Variants in KIF18A observed in about 807,000 individuals in gnomAD.
KIF18A encodes the protein kinesin-like protein KIF18A.
In KIF18A, 67 loss-of-function variants were observed where a neutral mutation model predicts 103.3. The observed-to-expected ratio is 0.65, with a 90% CI of 0.53 to 0.79. KIF18A has a LOEUF of 0.79. Ranked by LOEUF, KIF18A falls within the 30% of genes least tolerant of loss-of-function variation. The probability of loss-of-function intolerance (pLI) is 0.00; values close to 1 mark genes in which losing one functional copy is unlikely to be tolerated. For missense variants in KIF18A, 1,032 were observed against 1,062.5 expected (o/e 0.97, Z 0.40); for synonymous variants, 367 against 355.5 (o/e 1.03, Z -0.36).
rs188604851 is a variant in KIF18A at position 28,078,139 on chromosome 11, C to T, written c.1263-970G>A. ...TTTAAAAAAAATGTTCTAAACTGGC[C>T]AGAATTTTAGATATACTCATAAGGA... On this transcript the variant is annotated intron_variant, in intron 9 of 16. Coordinates refer to ENST00000263181, the MANE Select transcript of KIF18A (RefSeq NM_031217.4). Among the ~76,000 whole-genome samples the T allele has an allele frequency of 6.7e-4, 102 of 151,906 alleles. 1 individual carries two copies. Among genetic ancestry groups the T allele is most frequent in the Non-Finnish European group, 7.4e-5 (5 of 67,946 alleles).
intron 12 of KIF18A, among the ~76,000 whole-genome samples, chr11:28,062,094 G>C (rs1450996253): frequency 6.6e-6 from 1 of 152,096 alleles, no homozygotes; most frequent in East Asian, 1.9e-4. Flanking sequence ...ATGGCTAGAA[G>C]ATAGAGGTAG....
At chr11:28,057,038 A>C in intron 13 of KIF18A, 1 of 194,272 alleles carries the variant, frequency 5.1e-6, no homozygotes, top group Non-Finnish European at 1.1e-5. Flanking sequence ...CATATATATA[A>C]AAAAAAGCAG....
intron 2 of KIF18A, among the ~76,000 whole-genome samples, chr11:28,096,588 A>C (rs530651592): frequency 6.6e-6 from 1 of 152,342 alleles, no homozygotes; most frequent in South Asian, 2.1e-4. Context: ...CTCTAGAGAC[A>C]TATGAAGTTT....
rs1850868361 is a variant in KIF18A, at chr11:28,062,480, G to A, written c.1627C>T (p.Leu543Phe). Residue 543 changes from leucine (L) to phenylalanine (F), a missense_variant, in exon 12 of 17, where the codon CTC (leucine) becomes TTC (phenylalanine). Physicochemically the swap from Leu to Phe is conservative, Grantham distance 22 (BLOSUM62 0). Transcript: ENST00000263181. Reference protein sequence around the residue: ...KKDLHCHHLHLQNKDLKAQIR... With the variant: ...KKDLHCHHLHFQNKDLKAQIR... ...TGTGCTTTCAAATCTTTGTTCTGGAGGTGCAAATGGTGACAATGAAGATCT... is the reference window on the plus strand; with the variant it reads ...TGTGCTTTCAAATCTTTGTTCTGGAAGTGCAAATGGTGACAATGAAGATCT... 12 of 1,611,308 alleles carry A rather than the reference G, an allele frequency of 7.4e-6. No individual in the cohort carries two copies. The highest frequency in any genetic ancestry group is 1.3e-5 in the African/African-American group (1 of 74,890).
Position 28,082,857 on chromosome 11 carries a change from T to G in KIF18A, c.1261A>C (p.Arg421=), listed in dbSNP as rs1851182446. The G allele has an allele frequency of 6.4e-7, 1 of 1,554,726 alleles. No homozygotes were observed. Among genetic ancestry groups the G allele is most frequent in the South Asian group, 1.2e-5 (1 of 85,434 alleles). ...ATTAGATCTTAATGTAATGTTTACC[T>G]TTCGATTTCTTTTTCCTGAGGGTTT... The part of the protein sequence containing the change: ...ISNPQEKEIE[R]FQEILNCLFQ... Residue 421 remains arginine, a splice_region_variant and synonymous_variant, in exon 9 of 17, where the codon AGG becomes CGG. Transcript: ENST00000263181.
intron 6 of KIF18A, 109 bp from the exon 7 acceptor site, chr11:28,084,917 G>A: frequency 1.4e-6 from 1 of 720,434 alleles, no homozygotes; most frequent in Non-Finnish European, 2.4e-6. Context: ...GCCGAGGCAA[G>A]AGACTGAAGG....
intron 9 of KIF18A, among the ~76,000 whole-genome samples, chr11:28,079,707 C>T (rs906186441): frequency 2.0e-5 from 3 of 151,998 alleles, no homozygotes; most frequent in Admixed American, 6.6e-5. Flanking sequence ...TCCTTTACTA[C>T]AGGTTTTCCC....
intron 1 of KIF18A, among the ~76,000 whole-genome samples, chr11:28,098,558 A>C (rs750890720): frequency 7.9e-5 from 12 of 152,148 alleles, no homozygotes; most frequent in African/African-American, 1.9e-4. Flanking sequence ...CATAGGGTTA[A>C]AAATAGTTCC....
intron 13 of KIF18A, among the ~76,000 whole-genome samples, chr11:28,058,572 G>C (rs1272153457): frequency 7.1e-6 from 1 of 140,726 alleles, no homozygotes; most frequent in Non-Finnish European, 1.5e-5. Context: ...TGAAGTGGAA[G>C]GATTGCTAGA....
At chr11:28,033,560 C>T (rs1038836234) in intron 15 of KIF18A, among the ~76,000 whole-genome samples, 3 of 151,766 alleles carry the variant, frequency 2.0e-5, no homozygotes, top group Admixed American at 6.6e-5. Flanking sequence ...TCATTTGCAA[C>T]AGCATGGATG....
At chr11:28,025,473 C>T (rs76465563) in intron 15 of KIF18A, among the ~76,000 whole-genome samples, 4,191 of 151,744 alleles carry the variant, frequency 0.028, 189 homozygotes, top group African/African-American at 0.095. Context: ...TTTCATAGTA[C>T]GATTATGCAT....
rs72876409 is a variant in KIF18A, at chr11:28,041,871, G to A, written c.1949-5207C>T. 5.3e-3 allele frequency among the ~76,000 whole-genome samples: 808 copies of A among 151,782 alleles called. 5 individuals are homozygous for A. Among genetic ancestry groups the A allele is most frequent in the Admixed American group, 0.011 (168 of 15,166 alleles). On this transcript the variant is annotated intron_variant, in intron 13 of 16. Transcript: ENST00000263181. Reference sequence around the variant, plus strand: ...TATTAATTCTACATAAGTAAATTAAGAGAAATTGACAATGCTCCATAAAAC... The same window carrying A: ...TATTAATTCTACATAAGTAAATTAAAAGAAATTGACAATGCTCCATAAAAC...
chr11:28,077,126 T>C lies in KIF18A; in HGVS notation c.1306A>G (p.Ile436Val), dbSNP rs777349875. Reference sequence around the variant, plus strand: ...TCCAACTTCAGATATTCTTGTCTAATTTCTTCTCGATTCTGGAACAAGCAG... The same window carrying C: ...TCCAACTTCAGATATTCTTGTCTAACTTCTTCTCGATTCTGGAACAAGCAG... Reference protein sequence around the residue: ...LNCLFQNREEIRQEYLKLEML... With the variant: ...LNCLFQNREEVRQEYLKLEML... Residue 436 changes from isoleucine (I) to valine (V), a missense_variant, in exon 10 of 17, where the codon ATT becomes GTT. Coordinates refer to ENST00000263181, the MANE Select transcript of KIF18A (RefSeq NM_031217.4). 1.8e-5 allele frequency: 28 copies of C among 1,577,224 alleles called. No homozygotes were observed. Among genetic ancestry groups the C allele is most frequent in the Non-Finnish European group, 2.2e-5 (26 of 1,169,284 alleles).
intron 13 of KIF18A, among the ~76,000 whole-genome samples, chr11:28,052,362 T>C (rs1023323159): frequency 1.3e-5 from 2 of 152,124 alleles, no homozygotes; most frequent in African/African-American, 4.8e-5. Context: ...TCTGCCTTCC[T>C]TCCCTTTATC....
intron 10 of KIF18A, among the ~76,000 whole-genome samples, chr11:28,073,337 A>G (rs1214739311): frequency 6.6e-6 from 1 of 152,078 alleles, no homozygotes; most frequent in Non-Finnish European, 1.5e-5. Flanking sequence ...TTTGTTGGAC[A>G]ATATGTATAG....
chr11:28,107,933 C>G, intron 1 of KIF18A, 131 bp downstream of exon 1: 1 of 152,334 alleles, frequency 6.6e-6, no homozygotes, highest in Non-Finnish European at 1.5e-5. Context: ...CCCAGGTACC[C>G]TGATCCCCCA....
chr11:28,097,944 A>T lies in KIF18A; in HGVS notation c.4T>A (p.Ser2Thr), dbSNP rs200649014. The T allele has an allele frequency of 4.4e-5, 69 of 1,558,146 alleles. No individual in the cohort carries two copies. The highest frequency in any genetic ancestry group is 5.5e-5 in the Non-Finnish European group (64 of 1,155,732). M[S>T]VTEEDLCHHM... is the part of the protein sequence containing the mutation. ...TGGCACAGGTCTTCCTCAGTGACAG[A>T]CATTGTTGATTATCTTGATTCCTAT... is the stretch of plus-strand genomic sequence containing the variant. The change falls in exon 2 of 17, where the codon TCT (serine) becomes ACT (threonine). Residue 2 changes from serine (S) to threonine (T), a missense_variant. Transcript: ENST00000263181.
At chr11:28,101,453 T>C (rs1565092984) in intron 1 of KIF18A, among the ~76,000 whole-genome samples, 2 of 152,170 alleles carry the variant, frequency 1.3e-5, no homozygotes. Flanking sequence ...GTTAATTAAT[T>C]CATGACAACT....
intron 13 of KIF18A, among the ~76,000 whole-genome samples, chr11:28,053,833 T>A (rs1205650081): frequency 1.3e-5 from 2 of 152,074 alleles, no homozygotes; most frequent in Non-Finnish European, 2.9e-5. Flanking sequence ...CACATGGTAC[T>A]CATAGTATTC....
Sources: allele counts gnomAD v4.1 joint callset (sites outside exome capture counted in the v4.1 genomes callset), GRCh38; gene constraint gnomAD v4.1.1; transcripts MANE v1.5; gene names NCBI Gene and HGNC (gene_info 2026-07-23, HGNC 2026-07-21).